Variants in PRR5L observed in about 807,000 individuals in gnomAD.
The protein encoded by PRR5L is proline-rich protein 5-like.
Under a neutral mutation model 36.4 loss-of-function variants are expected in PRR5L, and 21 were observed. The observed-to-expected ratio is 0.58, with a 90% CI of 0.41 to 0.83. The LOEUF (loss-of-function observed/expected upper bound fraction) is 0.83. Among genes scored for constraint, PRR5L ranks in the 40% least tolerant of loss-of-function variants. PRR5L has a pLI of 0.00. For synonymous variants in PRR5L, 188 were observed against 197.0 expected (o/e 0.95, Z 0.38); for missense variants, 381 against 473.3 (o/e 0.80, Z 1.81).
intron 4 of PRR5L, among the ~76,000 whole-genome samples, chr11:36,428,849 A>G (rs981733773): frequency 5.9e-5 from 9 of 152,286 alleles, no homozygotes; most frequent in Non-Finnish European, 1.2e-4. Flanking sequence ...TGTGTGACCA[A>G]TTGATTTTGA....
In PRR5L at chr11:36,350,226, T is replaced by G. The variant is rs1223421327; in HGVS notation, c.-125-50771T>G. The stretch of plus-strand genomic sequence containing the variant: ...TGAGTGTGTGTGGGGTGGGTGTGTG[T>G]GGGGGGTATAAGTGAGTGTGTGTGT... On this transcript the variant is annotated intron_variant, in intron 1 of 8. Coordinates refer to ENST00000530639, the MANE Select transcript of PRR5L (RefSeq NM_001160167.2). Among the ~76,000 whole-genome samples the G allele has an allele frequency of 1.6e-4, 22 of 135,552 alleles. No homozygotes were observed. The Middle Eastern group carries it at 0.011, about 68-fold the overall frequency. 88.9% of individuals were successfully genotyped at this position (135,552 alleles called of 152,430 possible). A position where few individuals can be genotyped will look rare whatever the true frequency, so the allele number is the denominator to read the frequency against.
intron 1 of PRR5L, chr11:36,321,146 A>G (rs578217286): frequency 1.3e-5 from 2 of 152,374 alleles, no homozygotes; most frequent in Admixed American, 6.5e-5. Flanking sequence ...GCATTCAGTT[A>G]TAACAACAGG....
chr11:36,361,485 A>G (rs1461072550), intron 1 of PRR5L, among the ~76,000 whole-genome samples: 1 of 152,238 alleles, frequency 6.6e-6, no homozygotes, highest in Non-Finnish European at 1.5e-5. Context: ...ATCAACAGAT[A>G]TAACTTATAA....
chr11:36,364,795 G>A (rs1395676184), intron 1 of PRR5L, among the ~76,000 whole-genome samples: 1 of 152,162 alleles, frequency 6.6e-6, no homozygotes, highest in Non-Finnish European at 1.5e-5. Context: ...CAGCTCTCCC[G>A]TGTTTGAGTC....
rs537036055 is a variant in PRR5L at position 36,419,758 on chromosome 11, T to A, written c.294+455T>A. On this transcript the variant is annotated intron_variant, in intron 4 of 8. Coordinates refer to ENST00000530639, the MANE Select transcript of PRR5L (RefSeq NM_001160167.2). ...AAGACAGTTGGATTCTTATATCTGC[T>A]TCACTTTCAATTTGTAATGATATTG... Among the ~76,000 whole-genome samples the A allele has an allele frequency of 1.4e-4, 21 of 152,360 alleles. No homozygotes were observed. In the South Asian group the frequency reaches 4.3e-3, roughly 32 times the overall value.
intron 1 of PRR5L, among the ~76,000 whole-genome samples, chr11:36,388,694 C>CTTTT (rs1252535250): frequency 0.31 from 33,428 of 108,040 alleles, 5,975 homozygotes; most frequent in Non-Finnish European, 0.4. Context: ...TCGGCTCTTT[C>CTTTT]TTTCTTTTTT....
In PRR5L at chr11:36,431,855, C is replaced by A; in HGVS notation, c.297C>A (p.Asn99Lys). The A allele has an allele frequency of 6.2e-7, 1 of 1,614,034 alleles. No individual in the cohort carries two copies. The highest frequency in any genetic ancestry group is 8.5e-7 in the Non-Finnish European group (1 of 1,179,902). The change falls in exon 5 of 9, where the codon AAC (asparagine) becomes AAA (lysine). Residue 99 changes from asparagine (N) to lysine (K), a missense_variant and splice_region_variant. Transcript: ENST00000530639. ...LGSFITDYFQ[N>K]QLLAKGLFFV... ...TGTTCTTTGTTCTCTTTTGGCAGAA[C>A]CAGCTTCTTGCAAAAGGACTGTTCT... is the stretch of plus-strand genomic sequence containing the variant.
In PRR5L at chr11:36,411,424, A is replaced by C. The variant is rs547473835; in HGVS notation, c.246-7831A>C. Among the ~76,000 whole-genome samples the C allele has an allele frequency of 1.7e-4, 26 of 152,250 alleles. 1 individual carries two copies. The South Asian group carries it at 5.4e-3, about 32-fold the overall frequency. On this transcript the variant is annotated intron_variant, in intron 3 of 8. Transcript: ENST00000530639. ...TCAGCTGGTCAGCCTGGGAGGGAGA[A>C]AGGGTGAGATAATGTAGACCAGTCA...
At chr11:36,352,810 G>A (rs540169969) in intron 1 of PRR5L, among the ~76,000 whole-genome samples, 53 of 152,266 alleles carry the variant, frequency 3.5e-4, no homozygotes, top group African/African-American at 1.2e-3. Flanking sequence ...CTCAACCTCA[G>A]CACTATTGAC....
At chr11:36,454,751 CGCCTGT>C (rs1012111236) in intron 8 of PRR5L, 2 of 152,498 alleles carry the variant, frequency 1.3e-5, no homozygotes, top group African/African-American at 4.8e-5. Flanking sequence ...CACGCGCCCG[CGCCTGT>C]GTTTGACTGC....
intron 1 of PRR5L, among the ~76,000 whole-genome samples, chr11:36,314,112 G>A (rs968684993): frequency 1.3e-5 from 2 of 152,192 alleles, no homozygotes. Context: ...AGTGAGCAGT[G>A]TAGAAACTTA....
At chr11:36,397,449 T>C (rs1027618384) in intron 1 of PRR5L, among the ~76,000 whole-genome samples, 4 of 114,738 alleles carry the variant, frequency 3.5e-5, no homozygotes, top group Admixed American at 8.7e-5. Context: ...ATGCCTTTTT[T>C]TTTTTTTTTT....
intron 1 of PRR5L, among the ~76,000 whole-genome samples, chr11:36,334,177 G>A (rs1203062608): frequency 6.6e-6 from 1 of 152,180 alleles, no homozygotes; most frequent in Non-Finnish European, 1.5e-5. Context: ...CTGCAAAGGA[G>A]GCTGGGAAAT....
At chr11:36,423,517 CT>C (rs562214799) in intron 4 of PRR5L, among the ~76,000 whole-genome samples, 5 of 152,152 alleles carry the variant, frequency 3.3e-5, no homozygotes, top group Non-Finnish European at 5.9e-5. Context: ...GTGAAGGTAA[CT>C]TTTGTGATTT....
At chr11:36,439,099 G>A (rs1858667447) in intron 6 of PRR5L, among the ~76,000 whole-genome samples, 1 of 152,182 alleles carries the variant, frequency 6.6e-6, no homozygotes, top group Non-Finnish European at 1.5e-5. Flanking sequence ...GGAAAGACCT[G>A]CATTTGTAGG....
intron 1 of PRR5L, among the ~76,000 whole-genome samples, chr11:36,378,479 G>C (rs960540033): frequency 6.6e-5 from 10 of 152,178 alleles, no homozygotes; most frequent in African/African-American, 2.4e-4. Flanking sequence ...TGTTACTGAT[G>C]CTTCTAACAA....
At chr11:36,444,064 ATGCCCAACG>A (rs1315993527) in intron 6 of PRR5L, among the ~76,000 whole-genome samples, 1 of 152,248 alleles carries the variant, frequency 6.6e-6, no homozygotes, top group Non-Finnish European at 1.5e-5. Context: ...CTGATAAAAT[ATGCCCAACG>A]TGGCATGGAT....
chr11:36,386,840 G>C (rs1013551161), intron 1 of PRR5L, among the ~76,000 whole-genome samples: 9 of 152,224 alleles, frequency 5.9e-5, no homozygotes, highest in African/African-American at 2.2e-4. Context: ...ATGGAGGCTT[G>C]ACACAGTCCT....
chr11:36,429,614 A>G (rs894484713), intron 4 of PRR5L, among the ~76,000 whole-genome samples: 21 of 152,182 alleles, frequency 1.4e-4, no homozygotes, highest in African/African-American at 4.6e-4. Context: ...ATGTGAAATT[A>G]GGGAGGGTTA....
Sources: allele counts gnomAD v4.1 joint callset (sites outside exome capture counted in the v4.1 genomes callset), GRCh38; gene constraint gnomAD v4.1.1; transcripts MANE v1.5; gene names NCBI Gene and HGNC (gene_info 2026-07-23, HGNC 2026-07-21).